Variants in DMD observed in about 807,000 individuals in gnomAD.
DMD encodes mutant dystrophin.
In DMD, 63 loss-of-function variants were observed where a neutral mutation model predicts 330.1. That is an observed-to-expected ratio of 0.19 (90% confidence interval 0.16 to 0.24). The LOEUF is 0.24. Among genes scored for constraint, DMD ranks in the 10% least tolerant of loss-of-function variants. DMD has a pLI of 1.00. For synonymous variants in DMD, 1,223 were observed against 959.8 expected (o/e 1.27, Z -5.07); for missense variants, 3,344 against 2,684.1 (o/e 1.25, Z -5.43).
intron 60 of DMD, among the ~76,000 whole-genome samples, chrX:31,390,403 G>A (rs1423772758): frequency 1.8e-5 from 2 of 110,092 alleles, no homozygotes; most frequent in East Asian, 5.7e-4. Flanking sequence ...TCTAGCTCGG[G>A]TCTCTCCTTT....
intron 44 of DMD, among the ~76,000 whole-genome samples, chrX:32,215,693 A>C (rs2097109743): frequency 8.9e-6 from 1 of 111,775 alleles, no homozygotes; most frequent in Admixed American, 9.5e-5. Context: ...CATTTTATAT[A>C]ACTCTAATAT....
At chrX:31,474,422 T>C (rs2067569160) in intron 59 of DMD, among the ~76,000 whole-genome samples, 1 of 110,580 alleles carries the variant, frequency 9.0e-6, no homozygotes, top group Non-Finnish European at 1.9e-5. Flanking sequence ...AATGTTCTTC[T>C]AGCTAGCTGC....
intron 45 of DMD, among the ~76,000 whole-genome samples, chrX:31,951,777 A>G (rs899796252): frequency 1.5e-4 from 17 of 111,514 alleles, no homozygotes; most frequent in Non-Finnish European, 1.5e-4. Context: ...TTTTATATGT[A>G]TCTACATATT....
intron 29 of DMD, among the ~76,000 whole-genome samples, chrX:32,414,126 C>G (rs185289792): frequency 9.0e-6 from 1 of 111,247 alleles, no homozygotes; most frequent in African/African-American, 3.3e-5. Context: ...TTTTTATTTC[C>G]CAACCTACAC....
At chrX:31,600,440 C>T (rs746241218) in intron 55 of DMD, among the ~76,000 whole-genome samples, 13 of 109,411 alleles carry the variant, frequency 1.2e-4, no homozygotes, top group African/African-American at 4.0e-4. Flanking sequence ...GTAAAATAGA[C>T]CTCTTACTAT....
At chrX:31,421,497 T>C (rs1355444746) in intron 60 of DMD, among the ~76,000 whole-genome samples, 1 of 111,821 alleles carries the variant, frequency 8.9e-6, no homozygotes, top group East Asian at 2.8e-4. Flanking sequence ...CTATCAATTA[T>C]TATATGCATA....
intron 41 of DMD, among the ~76,000 whole-genome samples, chrX:32,323,299 GA>G (rs1483109270): frequency 9.0e-6 from 1 of 111,042 alleles, no homozygotes; most frequent in Non-Finnish European, 1.9e-5. Flanking sequence ...TCAAAATGCT[GA>G]AACCAGTGCC....
chrX:31,795,717 T>A (rs1028313215), intron 50 of DMD, among the ~76,000 whole-genome samples: 1 of 111,938 alleles, frequency 8.9e-6, no homozygotes, highest in Admixed American at 9.5e-5. Context: ...ATGCCAACAA[T>A]TAATCTCAGT....
intron 4 of DMD, among the ~76,000 whole-genome samples, chrX:32,828,183 C>T (rs1569529984): frequency 9.0e-6 from 1 of 111,654 alleles, no homozygotes; most frequent in Non-Finnish European, 1.9e-5. Context: ...CTGCAATAAA[C>T]ATATATGTGC....
chrX:33,273,179 A>G (rs534996602), intron 1 of DMD, among the ~76,000 whole-genome samples: 1 of 112,408 alleles, frequency 8.9e-6, no homozygotes, highest in East Asian at 2.8e-4. Flanking sequence ...AACATCAAAC[A>G]GTGACCCTGT....
At chrX:32,910,765 T>C (rs1047110960) in intron 2 of DMD, among the ~76,000 whole-genome samples, 1 of 112,141 alleles carries the variant, frequency 8.9e-6, no homozygotes, top group African/African-American at 3.2e-5. Flanking sequence ...CTTAGAAAGT[T>C]TCAAAATATC....
intron 44 of DMD, among the ~76,000 whole-genome samples, chrX:31,977,303 A>G (rs2095442737): frequency 8.9e-6 from 1 of 111,982 alleles, no homozygotes; most frequent in Non-Finnish European, 1.9e-5. Flanking sequence ...TGAAATACAT[A>G]CAACAGCCTA....
intron 21 of DMD, among the ~76,000 whole-genome samples, chrX:32,479,749 C>G (rs1358934610): frequency 9.2e-6 from 1 of 108,131 alleles, no homozygotes; most frequent in Non-Finnish European, 1.9e-5. Context: ...ATATATAAAT[C>G]ACTATATATA....
At chrX:32,085,648 A>ATG (rs368423016) in intron 44 of DMD, among the ~76,000 whole-genome samples, 1 of 71,631 alleles carries the variant, frequency 1.4e-5, no homozygotes, top group South Asian at 6.0e-4. Flanking sequence ...ACGTATATAT[A>ATG]TGTGTGTATA....
chrX:33,163,610 A>C lies in DMD; in HGVS notation c.31+47672T>G, dbSNP rs1414134399. ...TATATATCTATATCTATATATATCTATATCTATCTCTATCTATCTATCTAT... is the reference window on the plus strand; with the variant it reads ...TATATATCTATATCTATATATATCTCTATCTATCTCTATCTATCTATCTAT... On this transcript the variant is annotated intron_variant, in intron 1 of 78. Transcript: ENST00000357033. Among the ~76,000 whole-genome samples the C allele has an allele frequency of 1.3e-4, 7 of 54,997 alleles. No individual in the cohort carries two copies. In the South Asian group the frequency reaches 3.4e-3, roughly 26 times the overall value. 47.8% of individuals were successfully genotyped at this position (54,997 alleles called of 115,157 possible).
intron 1 of DMD, among the ~76,000 whole-genome samples, chrX:33,021,426 A>C (rs1003954127): frequency 9.0e-6 from 1 of 111,362 alleles, no homozygotes; most frequent in African/African-American, 3.3e-5. Flanking sequence ...AAATGAATGC[A>C]TCTGAGAGAT....
intron 60 of DMD, among the ~76,000 whole-genome samples, chrX:31,380,154 C>T (rs1312495076): frequency 9.0e-6 from 1 of 110,838 alleles, no homozygotes; most frequent in Admixed American, 9.6e-5. Flanking sequence ...TAGGTATTGA[C>T]GGCCAGGCTT....
intron 9 of DMD, among the ~76,000 whole-genome samples, chrX:32,674,811 A>C (rs887113765): frequency 6.3e-5 from 7 of 111,297 alleles, no homozygotes; most frequent in Admixed American, 3.9e-4. Context: ...ATTAACAGAG[A>C]AGCAAAGACT....
chrX:31,540,483 T>C (rs2073738073), intron 55 of DMD, among the ~76,000 whole-genome samples: 1 of 112,278 alleles, frequency 8.9e-6, no homozygotes, highest in Non-Finnish European at 1.9e-5. Flanking sequence ...TATCAAAGGA[T>C]ATGCCTGAGT....
Sources: allele counts gnomAD v4.1 joint callset (sites outside exome capture counted in the v4.1 genomes callset), GRCh38; gene constraint gnomAD v4.1.1; transcripts MANE v1.5; gene names NCBI Gene and HGNC (gene_info 2026-07-23, HGNC 2026-07-21).